Variants in CRACDL observed in about 807,000 individuals in gnomAD.
CRACDL encodes the protein CRACD like.
Under a neutral mutation model 70.6 loss-of-function variants are expected in CRACDL, and 26 were observed. The ratio of observed to expected loss-of-function variants is 0.37; its 90% CI spans 0.27 to 0.51. CRACDL has a LOEUF of 0.51. Among genes scored for constraint, CRACDL ranks in the 20% least tolerant of loss-of-function variants. The pLI is 0.94. For missense variants in CRACDL, 1,283 were observed against 1,376.9 expected (o/e 0.93, Z 1.08); for synonymous variants, 618 against 615.2 (o/e 1.00, Z -0.07).
chr2:98,810,614 G>GA (rs974193291), intron 7 of CRACDL, among the ~76,000 whole-genome samples: 6 of 151,650 alleles, frequency 4.0e-5, no homozygotes, highest in African/African-American at 9.7e-5. Flanking sequence ...CAGACTGGAG[G>GA]AAAAAAAACA....
chr2:98,851,356 T>C (rs1248774744), intron 1 of CRACDL, among the ~76,000 whole-genome samples: 1 of 152,162 alleles, frequency 6.6e-6, no homozygotes, highest in Non-Finnish European at 1.5e-5. Context: ...GGCTTCTGGG[T>C]ATTAGAATCC....
intron 1 of CRACDL, among the ~76,000 whole-genome samples, chr2:98,897,999 T>C (rs758503226): frequency 9.2e-5 from 14 of 152,190 alleles, no homozygotes; most frequent in Non-Finnish European, 1.5e-4. Context: ...AGTGGGTGGG[T>C]CAAGGAGCCT....
In CRACDL at chr2:98,916,639, AT is replaced by A. The variant is rs572407252; in HGVS notation, c.-11+19298del. Among the ~76,000 whole-genome samples, 17 of 151,830 alleles carry A rather than the reference AT, an allele frequency of 1.1e-4. No homozygotes were observed. In the East Asian group the frequency reaches 1.7e-3, roughly 16 times the overall value. ...TTCCCTACTCCCACACATAAATATC[AT>A]TTTTTTTAATGTAGGATACAACCTC... is the stretch of plus-strand genomic sequence containing the variant. On this transcript the variant is annotated intron_variant, in intron 1 of 9. Transcript: ENST00000397899.
Position 98,829,850 on chromosome 2 carries a change from G to A in CRACDL, c.540+2498C>T, listed in dbSNP as rs549130056. On this transcript the variant is annotated intron_variant, in intron 5 of 9. Transcript: ENST00000397899. ...AGGAAGCAGGGGGGCCTGGCTGTTCGAGGGGTGAAAAGAAGCCGCTGGTCC... is the reference window on the plus strand; with the variant it reads ...AGGAAGCAGGGGGGCCTGGCTGTTCAAGGGGTGAAAAGAAGCCGCTGGTCC... Among the ~76,000 whole-genome samples the A allele has an allele frequency of 1.9e-3, 288 of 152,252 alleles. 2 individuals carry two copies. The highest frequency in any genetic ancestry group is 0.017 in the Middle Eastern group (5 of 294).
chr2:98,840,698 A>G (rs1306272288), intron 2 of CRACDL: 1 of 152,204 alleles, frequency 6.6e-6, no homozygotes, highest in African/African-American at 2.4e-5. Context: ...CAAAAACCGG[A>G]AAGCCTTCTA....
chr2:98,884,834 G>T (rs1365365223), intron 1 of CRACDL, among the ~76,000 whole-genome samples: 1 of 152,190 alleles, frequency 6.6e-6, no homozygotes, highest in Admixed American at 6.5e-5. Flanking sequence ...TGTGAGAAAG[G>T]CACTGCTGTT....
intron 2 of CRACDL, among the ~76,000 whole-genome samples, chr2:98,841,287 A>C (rs1213811936): frequency 6.6e-6 from 1 of 152,052 alleles, no homozygotes; most frequent in Non-Finnish European, 1.5e-5. Flanking sequence ...GTCCACTCAC[A>C]CTCACTGTAA....
chr2:98,909,916 G>A (rs865795329), intron 1 of CRACDL, among the ~76,000 whole-genome samples: 13 of 152,150 alleles, frequency 8.5e-5, no homozygotes, highest in African/African-American at 1.7e-4. Flanking sequence ...GGCTTGGGCC[G>A]CTTTCAAAAA....
At chr2:98,841,780 T>C (rs1307653947) in intron 2 of CRACDL, among the ~76,000 whole-genome samples, 1 of 152,198 alleles carries the variant, frequency 6.6e-6, no homozygotes, top group Non-Finnish European at 1.5e-5. Context: ...GCAAAAGTAA[T>C]TGCAGCTCTT....
At chr2:98,826,176 T>C (rs1360001635) in intron 6 of CRACDL, among the ~76,000 whole-genome samples, 6 of 152,136 alleles carry the variant, frequency 3.9e-5, no homozygotes, top group Non-Finnish European at 7.4e-5. Context: ...TTTCTCAGCT[T>C]CTAGGACTAG....
intron 1 of CRACDL, among the ~76,000 whole-genome samples, chr2:98,909,729 C>G (rs1203748619): frequency 6.6e-6 from 1 of 152,198 alleles, no homozygotes; most frequent in Non-Finnish European, 1.5e-5. Flanking sequence ...TAGCACACCT[C>G]AAGCCACCTG....
At chr2:98,890,305 A>T (rs559572667) in intron 1 of CRACDL, among the ~76,000 whole-genome samples, 2 of 152,340 alleles carry the variant, frequency 1.3e-5, no homozygotes, top group South Asian at 4.1e-4. Flanking sequence ...ACGGAAATTA[A>T]GAATGAAAGA....
chr2:98,828,425 G>A (rs1243453667), intron 5 of CRACDL, among the ~76,000 whole-genome samples: 2 of 152,180 alleles, frequency 1.3e-5, no homozygotes, highest in Non-Finnish European at 2.9e-5. Flanking sequence ...CATGAAAACA[G>A]TGAATGAGGC....
chr2:98,895,364 C>T (rs183847789), intron 1 of CRACDL, among the ~76,000 whole-genome samples: 9 of 152,264 alleles, frequency 5.9e-5, no homozygotes, highest in Admixed American at 2.0e-4. Context: ...GAAGGACGGA[C>T]GCTCAGCTTG....
In CRACDL at chr2:98,890,118, A is replaced by T. The variant is rs143952053; in HGVS notation, c.-10-43308T>A. ...TGAGGAATCAGAAAAAGAGCAAGAGAAACTGAAAGCAAACAGGAGAAAAAC... is the reference window on the plus strand; with the variant it reads ...TGAGGAATCAGAAAAAGAGCAAGAGTAACTGAAAGCAAACAGGAGAAAAAC... On this transcript the variant is annotated intron_variant, in intron 1 of 9. Coordinates refer to ENST00000397899, the MANE Select transcript of CRACDL (RefSeq NM_207362.3). Among the ~76,000 whole-genome samples, 795 of 152,324 alleles carry T rather than the reference A, an allele frequency of 5.2e-3. 2 individuals carry two copies. Among genetic ancestry groups the T allele is most frequent in the Non-Finnish European group, 8.9e-3 (608 of 68,030 alleles).
At chr2:98,867,533 T>C (rs1220635192) in intron 1 of CRACDL, among the ~76,000 whole-genome samples, 1 of 151,322 alleles carries the variant, frequency 6.6e-6, no homozygotes, top group Non-Finnish European at 1.5e-5. Context: ...TTTCAGGTCA[T>C]TAGACTAAAA....
At chr2:98,908,716 A>G (rs1227127829) in intron 1 of CRACDL, among the ~76,000 whole-genome samples, 3 of 152,192 alleles carry the variant, frequency 2.0e-5, no homozygotes, top group African/African-American at 7.2e-5. Context: ...CTTACAGTCC[A>G]ATGACCTTCC....
intron 1 of CRACDL, among the ~76,000 whole-genome samples, chr2:98,883,681 A>G (rs1159645144): frequency 1.3e-5 from 2 of 152,184 alleles, no homozygotes; most frequent in African/African-American, 4.8e-5. Flanking sequence ...CCATCCAGAG[A>G]ATAAACCCGA....
chr2:98,927,272 GACTC>G (rs1312208447), intron 1 of CRACDL, among the ~76,000 whole-genome samples: 1 of 152,212 alleles, frequency 6.6e-6, no homozygotes, highest in African/African-American at 2.4e-5. Flanking sequence ...AGCCACCAAT[GACTC>G]CCTGGCCACG....
Sources: allele counts gnomAD v4.1 joint callset (sites outside exome capture counted in the v4.1 genomes callset), GRCh38; gene constraint gnomAD v4.1.1; transcripts MANE v1.5; gene names NCBI Gene and HGNC (gene_info 2026-07-23, HGNC 2026-07-21).